Variants in P2RX1 observed in about 807,000 individuals in gnomAD.
P2RX1 encodes purinergic receptor P2X 1, also known as P2X purinoceptor 1.
P2RX1 carries 42 observed loss-of-function variants against 50.3 expected under a neutral mutation model. The ratio of observed to expected loss-of-function variants is 0.83; its 90% CI spans 0.65 to 1.08. The LOEUF is 1.08. Ranked by LOEUF, P2RX1 falls within the 50% of genes least tolerant of loss-of-function variation. The probability of loss-of-function intolerance (pLI) is 0.00; values close to 1 mark genes in which losing one functional copy is unlikely to be tolerated. For missense variants in P2RX1, 449 were observed against 529.0 expected (o/e 0.85, Z 1.48); for synonymous variants, 199 against 202.6 (o/e 0.98, Z 0.15).
chr17:3,911,786 T>C (rs539856942), intron 1 of P2RX1, among the ~76,000 whole-genome samples: 13 of 152,298 alleles, frequency 8.5e-5, no homozygotes, highest in African/African-American at 3.1e-4. Flanking sequence ...ACACCTTCTC[T>C]ATTCCTCTCC....
intron 7 of P2RX1, among the ~76,000 whole-genome samples, chr17:3,901,429 C>G (rs1447201288): frequency 6.6e-6 from 1 of 152,220 alleles, no homozygotes; most frequent in African/African-American, 2.4e-5. Context: ...GTTGCTCCGG[C>G]ATCAACCCCC....
intron 1 of P2RX1, among the ~76,000 whole-genome samples, chr17:3,910,186 G>A (rs900835228): frequency 2.0e-5 from 3 of 151,946 alleles, no homozygotes; most frequent in African/African-American, 7.3e-5. Flanking sequence ...TGTTGGCCAG[G>A]CTGGTCTTGA....
Position 3,897,837 on chromosome 17 carries a change from G to T in P2RX1, c.1177C>A (p.Gln393Lys). The stretch of plus-strand genomic sequence containing the variant: ...CATCAGGATGTCCTCATGTTCTCCT[G>T]CAGGCCCAGGGTGGAGCTGGTAGCT... Reference protein sequence around the residue: ...LAATSSTLGLQENMRTS With the variant: ...LAATSSTLGLKENMRTS Residue 393 changes from glutamine to lysine, a missense_variant, in exon 12 of 12, where the codon CAG becomes AAG. Physicochemically the swap from Gln to Lys is moderately conservative, Grantham distance 53. Coordinates refer to ENST00000225538, the MANE Select transcript of P2RX1 (RefSeq NM_002558.4). The T allele has an allele frequency of 1.2e-6, 2 of 1,613,502 alleles. No homozygotes were observed. Among genetic ancestry groups the T allele is most frequent in the Non-Finnish European group, 1.7e-6 (2 of 1,180,006 alleles).
Position 3,899,765 on chromosome 17 carries a change from C to G in P2RX1, c.748-4G>C. 5 of 1,613,158 alleles carry G rather than the reference C, an allele frequency of 3.1e-6. No individual in the cohort carries two copies. Among genetic ancestry groups the G allele is most frequent in the African/African-American group, 1.3e-5 (1 of 74,998 alleles). On this transcript the variant is annotated splice_polypyrimidine_tract_variant and splice_region_variant and intron_variant, in intron 7 of 11. Transcript: ENST00000225538. ...TGGTGATGCCAACCACTCCACCCTG[C>G]CAGGGACACAAGTAGTTAAGATCTG...
intron 7 of P2RX1, among the ~76,000 whole-genome samples, chr17:3,901,139 C>T (rs549180625): frequency 7.9e-5 from 12 of 152,220 alleles, no homozygotes; most frequent in Admixed American, 6.5e-4. Context: ...ACGATCTCGG[C>T]TCACTGCAAC....
At chr17:3,904,963 G>GCC in intron 2 of P2RX1, 34 bp from the exon 3 acceptor site, 4 of 435,316 alleles carry the variant, frequency 9.2e-6, no homozygotes, top group Non-Finnish European at 1.9e-5. Context: ...GGTGGGGTGG[G>GCC]CTGGGAGCTG....
At chr17:3,899,145 C>T (rs1442903226) in intron 8 of P2RX1, 121 bp from the exon 9 acceptor site, 1 of 745,134 alleles carries the variant, frequency 1.3e-6, no homozygotes, top group African/African-American at 1.8e-5. Flanking sequence ...ATCCCCAACA[C>T]CGGGCAGGAT....
intron 1 of P2RX1, among the ~76,000 whole-genome samples, chr17:3,909,875 C>T (rs2056332489): frequency 6.6e-6 from 1 of 151,996 alleles, no homozygotes; most frequent in Non-Finnish European, 1.5e-5. Context: ...CTTAATACCC[C>T]CAATAAACCC....
Position 3,903,658 on chromosome 17 carries a change from C to T in P2RX1, c.525-27G>A. 1 of 1,610,692 alleles carries T rather than the reference C, an allele frequency of 6.2e-7. No homozygotes were observed. ...TGGAGGACACCACACGCACTCACCG[C>T]CCCTCCCCAGGAGGCCCCCTGTGTG... On this transcript the variant is annotated intron_variant, in intron 5 of 11. Coordinates refer to ENST00000225538, the MANE Select transcript of P2RX1 (RefSeq NM_002558.4). The surrounding 1 kb of genome is among the most constrained non-coding windows in gnomAD (Gnocchi z 4.6).
At chr17:3,904,458 C>A in intron 3 of P2RX1, 59 bp from the exon 4 acceptor site, 1 of 1,449,952 alleles carries the variant, frequency 6.9e-7, no homozygotes, top group Non-Finnish European at 9.6e-7. Flanking sequence ...GAGAAGAGCC[C>A]CTCTCCCCAC....
chr17:3,916,308 T>C lies in P2RX1; in HGVS notation c.-83A>G, dbSNP rs561600561. 4 of 1,494,794 alleles carry C rather than the reference T, an allele frequency of 2.7e-6. No homozygotes were observed. The highest frequency in any genetic ancestry group is 2.3e-4 in the Middle Eastern group (1 of 4,400). The allele number at this position is 1,494,794 out of a possible 1,614,324, so 92.6% of individuals were successfully genotyped here. Reference sequence around the variant, plus strand: ...AGCCGGGTGCCACCACCCACGTCGATGGTAGAGCTTCTGGGGGCTTCCTGG... The same window carrying C: ...AGCCGGGTGCCACCACCCACGTCGACGGTAGAGCTTCTGGGGGCTTCCTGG... On this transcript the variant is annotated 5_prime_UTR_variant, in exon 1 of 12. Coordinates refer to ENST00000225538, the MANE Select transcript of P2RX1 (RefSeq NM_002558.4).
chr17:3,912,203 C>T (rs1402395337), intron 1 of P2RX1, among the ~76,000 whole-genome samples: 2 of 152,230 alleles, frequency 1.3e-5, no homozygotes, highest in East Asian at 3.9e-4. Flanking sequence ...CCCTCTAAAC[C>T]TTACTCCTCC....
intron 1 of P2RX1, among the ~76,000 whole-genome samples, chr17:3,909,726 T>C (rs191588593): frequency 1.3e-5 from 2 of 152,240 alleles, no homozygotes; most frequent in East Asian, 1.9e-4. Flanking sequence ...CCCCTATTCA[T>C]GCGCCAAACA....
In P2RX1 at chr17:3,914,873, AAG is replaced by A. The variant is rs1295773610; in HGVS notation, c.137+1214_137+1215del. Among the ~76,000 whole-genome samples, 2 of 152,178 alleles carry A rather than the reference AAG, an allele frequency of 1.3e-5. No individual in the cohort carries two copies. The highest frequency in any genetic ancestry group is 2.9e-5 in the Non-Finnish European group (2 of 68,020). ...ACAGATGTCAAATTAGTTTCTGAAC[AAG>A]AGAGAGGAGAGGTCAAGGCTGGGGT... On this transcript the variant is annotated intron_variant, in intron 1 of 11. Transcript: ENST00000225538. The surrounding 1 kb of genome is among the most constrained non-coding windows in gnomAD (Gnocchi z 4.1).
chr17:3,897,949 C>G (rs538203861), intron 11 of P2RX1, 60 bp downstream of exon 11: 5 of 1,609,906 alleles, frequency 3.1e-6, no homozygotes, highest in Non-Finnish European at 4.3e-6. Context: ...CGCCCCCCAC[C>G]CCAACACAGA....
chr17:3,915,692 G>T (rs1006629041), intron 1 of P2RX1: 3 of 467,028 alleles, frequency 6.4e-6, no homozygotes, highest in Non-Finnish European at 1.3e-5. Context: ...TGTCATATGG[G>T]GTGACGGGTG....
chr17:3,906,960 G>T (rs2056276805), intron 1 of P2RX1, among the ~76,000 whole-genome samples: 1 of 152,200 alleles, frequency 6.6e-6, no homozygotes, highest in Non-Finnish European at 1.5e-5. Context: ...GTGGCTGCAA[G>T]ACGAAAACTA....
At chr17:3,907,290 C>CGTGTGTGTGTGTGTGTGTGTGTGTGTGT (rs147411964) in intron 1 of P2RX1, among the ~76,000 whole-genome samples, 4 of 134,430 alleles carry the variant, frequency 3.0e-5, no homozygotes, top group African/African-American at 8.8e-5. Flanking sequence ...TTCAGGGTAA[C>CGTGTGTGTGTGTGTGTGTGTGTGTGTGT]GTGTGTGTGT....
At chr17:3,916,042 G>T (rs2052402011) in intron 1 of P2RX1, 47 bp downstream of exon 1, 2 of 1,610,262 alleles carry the variant, frequency 1.2e-6, no homozygotes, top group Non-Finnish European at 1.7e-6. Context: ...TGGAGGACAG[G>T]CCCGGGGTAG....
Sources: allele counts gnomAD v4.1 joint callset (sites outside exome capture counted in the v4.1 genomes callset), GRCh38; gene constraint gnomAD v4.1.1; non-coding constraint Gnocchi (gnomAD v3.1); transcripts MANE v1.5; gene names NCBI Gene and HGNC (gene_info 2026-07-23, HGNC 2026-07-21).